TGM6: variants seen among roughly 807,000 people sequenced by gnomAD.
TGM6 encodes the protein protein-glutamine gamma-glutamyltransferase 6.
A neutral mutation model predicts 77.5 loss-of-function variants in TGM6; 74 were observed. The observed-to-expected ratio is 0.96, with a 90% CI of 0.79 to 1.16. The LOEUF is 1.16. Among genes scored for constraint, TGM6 ranks in the 50% most tolerant of loss-of-function variants. The pLI, the probability that TGM6 is intolerant of heterozygous loss-of-function variation, is 0.00. For missense variants in TGM6, 968 were observed against 940.2 expected (o/e 1.03, Z -0.39); for synonymous variants, 383 against 378.9 (o/e 1.01, Z -0.12).
intron 9 of TGM6, among the ~76,000 whole-genome samples, chr20:2,405,230 C>T (rs951741484): frequency 1.3e-5 from 2 of 152,196 alleles, no homozygotes; most frequent in African/African-American, 4.8e-5. Context: ...TGTGAGGTTT[C>T]TAGAGGCCTG....
intron 5 of TGM6, 27 bp downstream of exon 5, chr20:2,398,073 T>C: frequency 6.2e-7 from 1 of 1,614,102 alleles, no homozygotes. Context: ...TCCCTGCACA[T>C]GTACTTCCTC....
At chr20:2,414,718 T>C (rs1054836382) in intron 9 of TGM6, among the ~76,000 whole-genome samples, 6 of 152,020 alleles carry the variant, frequency 3.9e-5, no homozygotes, top group African/African-American at 1.2e-4. Context: ...TAGTCAGAAA[T>C]AAAAAGGAAC....
At chr20:2,422,547 T>G (rs553208447) in intron 10 of TGM6, among the ~76,000 whole-genome samples, 1 of 152,220 alleles carries the variant, frequency 6.6e-6, no homozygotes, top group African/African-American at 2.4e-5. Context: ...TATATTTACA[T>G]TATACTGTAG....
chr20:2,382,259 G>A (rs1372918092), intron 1 of TGM6, among the ~76,000 whole-genome samples: 1 of 151,698 alleles, frequency 6.6e-6, no homozygotes, highest in Non-Finnish European at 1.5e-5. Context: ...TCCTAGGATA[G>A]GTCTGTTCTG....
At chr20:2,383,834 G>A (rs559899990) in intron 1 of TGM6, among the ~76,000 whole-genome samples, 4 of 152,224 alleles carry the variant, frequency 2.6e-5, no homozygotes, top group South Asian at 2.1e-4. Context: ...TAGGCCGGGC[G>A]CGGTGGCTCA....
chr20:2,418,521 C>T (rs1003985087), intron 10 of TGM6, among the ~76,000 whole-genome samples: 3 of 152,132 alleles, frequency 2.0e-5, no homozygotes, highest in African/African-American at 7.2e-5. Flanking sequence ...GAGAGACACA[C>T]TCCTGACCAA....
Position 2,403,787 on chromosome 20 carries a change from C to CG in TGM6, c.1301dup (p.Val435ArgfsTer5). On this transcript the variant is annotated frameshift_variant, in exon 9 of 13. Coordinates refer to ENST00000202625, the MANE Select transcript of TGM6 (RefSeq NM_198994.3). LOFTEE classifies it high-confidence loss of function. ...CACCAAGGCGGTGGGCAGTGACTCC[C>CG]GCGTGGACATCACTGACCTCTACAA... is the stretch of plus-strand genomic sequence containing the variant. 6.2e-7 allele frequency: 1 copy of CG among 1,614,154 alleles called. No individual in the cohort carries two copies. Among genetic ancestry groups the CG allele is most frequent in the Non-Finnish European group, 8.5e-7 (1 of 1,180,038 alleles).
rs2084932068 is a variant in TGM6 at position 2,432,751 on chromosome 20, C to T, written c.*108C>T. ...GAGGCCTCAGTTAATCCTGCCTCAA[C>T]CTCTGCCCTACTTTGTAAACTTAGG... On this transcript the variant is annotated 3_prime_UTR_variant, in exon 13 of 13. Transcript: ENST00000202625. 2.0e-6 allele frequency: 3 copies of T among 1,499,362 alleles called. No homozygotes were observed. Among genetic ancestry groups the T allele is most frequent in the South Asian group, 1.1e-5 (1 of 87,572 alleles). The allele number at this position is 1,499,362 out of a possible 1,614,324, so 92.9% of individuals were successfully genotyped here. A position where few individuals can be genotyped will look rare whatever the true frequency, so the allele number is the denominator to read the frequency against.
In TGM6 at chr20:2,381,026, C is replaced by T. The variant is rs1207602850; in HGVS notation, c.7+51C>T. On this transcript the variant is annotated intron_variant, in intron 1 of 12. Transcript: ENST00000202625. ...GGGACACCAGGGCTCATGAGGGGGG[C>T]TTCAAGAAACACGGGTCTGTGGGAT... is the stretch of plus-strand genomic sequence containing the variant. 7.5e-6 allele frequency: 12 copies of T among 1,603,272 alleles called. No homozygotes were observed. In the Middle Eastern group the frequency reaches 5.0e-4, roughly 67 times the overall value.
chr20:2,387,204 G>A (rs1013491162), intron 1 of TGM6, among the ~76,000 whole-genome samples: 1 of 152,208 alleles, frequency 6.6e-6, no homozygotes, highest in Non-Finnish European at 1.5e-5. Context: ...GCGGGAGAGG[G>A]TCCTGCTTGT....
At chr20:2,430,873 C>T (rs2084919454) in intron 11 of TGM6, 21 bp from the exon 12 acceptor site, 1 of 1,614,082 alleles carries the variant, frequency 6.2e-7, no homozygotes, top group Non-Finnish European at 8.5e-7. Flanking sequence ...CGCGATGGCT[C>T]ATGGGTGTTG....
chr20:2,396,360 A>G (rs1014608152), intron 3 of TGM6, 146 bp from the exon 4 acceptor site: 19 of 768,556 alleles, frequency 2.5e-5, no homozygotes, highest in Non-Finnish European at 4.2e-5. Flanking sequence ...GGGAGGCAGC[A>G]CGGGAGCTCG....
chr20:2,418,256 C>T (rs1323176763), intron 10 of TGM6, among the ~76,000 whole-genome samples: 1 of 152,172 alleles, frequency 6.6e-6, no homozygotes, highest in Non-Finnish European at 1.5e-5. Flanking sequence ...GCCTTGGCCT[C>T]CCAAAGTGCT....
rs778604215 is a variant in TGM6, at chr20:2,432,654, G to C, written c.*11G>C. On this transcript the variant is annotated 3_prime_UTR_variant, in exon 13 of 13. Coordinates refer to ENST00000202625, the MANE Select transcript of TGM6 (RefSeq NM_198994.3). Reference sequence around the variant, plus strand: ...GCCACTGCCAAGTGATGGATCATGAGGGACTGAGAGGGGTGGATTTGGCCC... The same window carrying C: ...GCCACTGCCAAGTGATGGATCATGACGGACTGAGAGGGGTGGATTTGGCCC... 1 of 1,614,048 alleles carries C rather than the reference G, an allele frequency of 6.2e-7. No homozygotes were observed. Among genetic ancestry groups the C allele is most frequent in the South Asian group, 1.1e-5 (1 of 91,068 alleles).
chr20:2,418,706 T>A (rs931896457), intron 10 of TGM6, among the ~76,000 whole-genome samples: 1 of 152,266 alleles, frequency 6.6e-6, no homozygotes, highest in Non-Finnish European at 1.5e-5. Flanking sequence ...TAGTATTTCA[T>A]AGCAGAAGAG....
chr20:2,395,032 A>T lies in TGM6; in HGVS notation c.182-162A>T, dbSNP rs192467541. Among the ~76,000 whole-genome samples, 310 of 152,270 alleles carry T rather than the reference A, an allele frequency of 2.0e-3. 4 individuals are homozygous for T. The highest frequency in any genetic ancestry group is 2.2e-3 in the Admixed American group (33 of 15,300). On this transcript the variant is annotated intron_variant, in intron 2 of 12. Transcript: ENST00000202625. The stretch of plus-strand genomic sequence containing the variant: ...GTCAGGGCAGCTGAGGTGGACCCTC[A>T]CTTGGCCACTGGCCTTCTTGCTCTT...
At position 2,399,320 on chromosome 20, in the gene TGM6, T is replaced by C. The variant is rs187247081; in HGVS notation, c.673-241T>C. Reference sequence around the variant, plus strand: ...AAAACAGATCATTTAACATAGGAAATGCTCTAAAGTTGTAATGATTTTTAC... The same window carrying C: ...AAAACAGATCATTTAACATAGGAAACGCTCTAAAGTTGTAATGATTTTTAC... On this transcript the variant is annotated intron_variant, in intron 5 of 12. Transcript: ENST00000202625. Among the ~76,000 whole-genome samples the C allele has an allele frequency of 2.7e-4, 41 of 152,274 alleles. No homozygotes were observed. The East Asian group carries it at 7.9e-3, about 29-fold the overall frequency.
At chr20:2,396,848 G>A (rs1233475214) in intron 4 of TGM6, among the ~76,000 whole-genome samples, 2 of 152,172 alleles carry the variant, frequency 1.3e-5, no homozygotes, top group Admixed American at 1.3e-4. Flanking sequence ...CACAGAACAG[G>A]TCAGTATGGT....
chr20:2,413,931 C>T (rs1332279641), intron 9 of TGM6, among the ~76,000 whole-genome samples: 2 of 152,050 alleles, frequency 1.3e-5, no homozygotes, highest in Non-Finnish European at 2.9e-5. Context: ...GCAAACAGCA[C>T]CATCAGGAAA....
Sources: gnomAD v4.1 joint callset for allele counts (sites outside exome capture counted in the v4.1 genomes callset) on GRCh38, gnomAD v4.1.1 for gene constraint, MANE v1.5 for transcripts, NCBI Gene and HGNC (gene_info 2026-07-23, HGNC 2026-07-21) for gene names.